The following MAML1 variants were observed in gnomAD, a reference collection of about 807,000 sequenced individuals.
MAML1 encodes the protein mastermind-like protein 1.
Under a neutral mutation model 77.1 loss-of-function variants are expected in MAML1, and 14 were observed. The ratio of observed to expected loss-of-function variants is 0.18; its 90% CI spans 0.12 to 0.28. The LOEUF (loss-of-function observed/expected upper bound fraction) is 0.28, where lower values mean the gene tolerates loss of function less well. Among genes scored for constraint, MAML1 ranks in the 10% least tolerant of loss-of-function variants. MAML1 has a pLI of 1.00. For synonymous variants in MAML1, 516 were observed against 551.9 expected, an observed-to-expected ratio of 0.93 and a Z score of 0.91; for missense variants, 1,217 against 1,327.8, an observed-to-expected ratio of 0.92 and a Z score of 1.30.
In MAML1 at chr5:179,774,100, C is replaced by T; in HGVS notation, c.2274C>T (p.Gly758=). Residue 758 remains glycine (G), a synonymous_variant, in exon 5 of 5, where the codon GGC becomes GGT. Transcript: ENST00000292599. ...SQNMPQSSLY[G]MASGITQIVA... ...ACATGCCTCAGAGCAGCCTCTATGG[C>T]ATGGCTTCTGGCATAACCCAGATAG... 1 of 1,613,874 alleles carries T rather than the reference C, an allele frequency of 6.2e-7. No homozygotes were observed. The highest frequency in any genetic ancestry group is 8.5e-7 in the Non-Finnish European group (1 of 1,180,024).
At position 179,769,832 on chromosome 5, in the gene MAML1, C is replaced by A. The variant is rs190186459; in HGVS notation, c.1971+743C>A. 9.0e-3 allele frequency among the ~76,000 whole-genome samples: 1,374 copies of A among 152,210 alleles called. 10 individuals carry two copies. The highest frequency in any genetic ancestry group is 0.015 in the Non-Finnish European group (1,000 of 67,992). On this transcript the variant is annotated intron_variant, in intron 3 of 4. Transcript: ENST00000292599. This position sits in a 1 kb window ranked among gnomAD's most constrained non-coding sequence, Gnocchi z 4.2. The stretch of plus-strand genomic sequence containing the variant: ...CCTCCCAAAGTGCTGAGATTACAGG[C>A]GTGAGCCACCACGCCTGGCCTTAAA...
chr5:179,733,536 T>TCCTG, intron 1 of MAML1, 109 bp downstream of exon 1: 1 of 864,530 alleles, frequency 1.2e-6, no homozygotes, highest in Non-Finnish European at 1.4e-6. Flanking sequence ...CGTCCGCGAC[T>TCCTG]CCTGGATCTG....
intron 1 of MAML1, among the ~76,000 whole-genome samples, chr5:179,749,908 C>T (rs936899212): frequency 6.6e-6 from 1 of 152,212 alleles, no homozygotes; most frequent in Admixed American, 6.5e-5. Flanking sequence ...CCCACCTTGG[C>T]CCTGCCTGGT....
At chr5:179,735,924 G>T (rs1581920677) in intron 1 of MAML1, among the ~76,000 whole-genome samples, 1 of 144,504 alleles carries the variant, frequency 6.9e-6, no homozygotes, top group African/African-American at 2.6e-5. Context: ...CTGACCTCGT[G>T]ATCCACCCAC....
chr5:179,757,348 G>T (rs1779640808), intron 1 of MAML1, among the ~76,000 whole-genome samples: 1 of 151,934 alleles, frequency 6.6e-6, no homozygotes, highest in Non-Finnish European at 1.5e-5. Flanking sequence ...CGGGCAGACT[G>T]CTTGAGGTCA....
chr5:179,733,250 C>G lies in MAML1; in HGVS notation c.138C>G (p.Pro46=), dbSNP rs1255650751. Residue 46 remains proline (P), a synonymous_variant, in exon 1 of 5, where the codon CCC becomes CCG. Coordinates refer to ENST00000292599, the MANE Select transcript of MAML1 (RefSeq NM_014757.5). ...AGGCCCGCTACGAGGCCGTGTCGCC[C>G]GAGCGCCTGGAGCTGGAGCGCCAAC... ...TCEARYEAVS[P]ERLELERQHT... The G allele has an allele frequency of 2.7e-6, 4 of 1,472,554 alleles. No homozygotes were observed. Among genetic ancestry groups the G allele is most frequent in the Non-Finnish European group, 3.6e-6 (4 of 1,114,650 alleles). The allele number at this position is 1,472,554 out of a possible 1,614,324, so 91.2% of individuals were successfully genotyped here.
chr5:179,733,379 C>T lies in MAML1; in HGVS notation c.267C>T (p.Ala89=). The part of the protein sequence containing the change: ...AATAPAPAAP[A]PRLDAADGPE... ...CGGCCCCGGCGCCCGCCGCCCCGGC[C>T]CCGCGCCTGGACGCCGCTGACGGCC... is the stretch of plus-strand genomic sequence containing the variant. Residue 89 remains alanine (A), a synonymous_variant, in exon 1 of 5, where the codon GCC becomes GCT. Coordinates refer to ENST00000292599, the MANE Select transcript of MAML1 (RefSeq NM_014757.5). The T allele has an allele frequency of 8.3e-7, 1 of 1,206,072 alleles. No homozygotes were observed. The highest frequency in any genetic ancestry group is 3.7e-5 in the East Asian group (1 of 26,790). 74.7% of individuals were successfully genotyped at this position (1,206,072 alleles called of 1,614,324 possible). A position where few individuals can be genotyped will look rare whatever the true frequency, so the allele number is the denominator to read the frequency against.
rs770070057 is a variant in MAML1, at chr5:179,766,354, G to A, written c.1344G>A (p.Lys448=). The change falls in exon 2 of 5, where the codon AAG becomes AAA. Residue 448 remains lysine, a synonymous_variant. Coordinates refer to ENST00000292599, the MANE Select transcript of MAML1 (RefSeq NM_014757.5). The surrounding 1 kb of genome is among the most constrained non-coding windows in gnomAD (Gnocchi z 4.0). ...TAGATGTCCCTTACCCCATGGAGAA[G>A]CCTGCCAGCCCTTCCAGCTACAAGC... ...SSLDVPYPME[K]PASPSSYKQD... 5 of 1,604,998 alleles carry A rather than the reference G, an allele frequency of 3.1e-6. No individual in the cohort carries two copies. In the African/African-American group the frequency reaches 6.7e-5, roughly 21 times the overall value.
chr5:179,764,993 ATATG>A (rs756930850), intron 1 of MAML1, among the ~76,000 whole-genome samples: 1 of 109,348 alleles, frequency 9.1e-6, no homozygotes, highest in Non-Finnish European at 2.0e-5. Flanking sequence ...TATAATATAT[ATATG>A]TGTGTGTGTG....
chr5:179,752,446 G>A (rs1328735679), intron 1 of MAML1, among the ~76,000 whole-genome samples: 1 of 145,616 alleles, frequency 6.9e-6, no homozygotes, highest in Non-Finnish European at 1.5e-5. Context: ...ATATATATTG[G>A]GTTAAATATG....
In MAML1 at chr5:179,766,622, G is replaced by T. The variant is rs1282204617; in HGVS notation, c.1612G>T (p.Ala538Ser). 6.2e-7 allele frequency: 1 copy of T among 1,613,210 alleles called. No individual in the cohort carries two copies. Among genetic ancestry groups the T allele is most frequent in the Non-Finnish European group, 8.5e-7 (1 of 1,179,426 alleles). ...CCCGGGGTCTGGCCAGAGCAAGCCA[G>T]CCCTGATGGCTTATCTTCCCCAGCA... ...GSPGSGQSKP[A>S]LMAYLPQQLS... The change falls in exon 2 of 5, where the codon GCC (alanine) becomes TCC (serine). Residue 538 changes from alanine (A) to serine (S), a missense_variant. Transcript: ENST00000292599. The surrounding 1 kb of genome is among the most constrained non-coding windows in gnomAD (Gnocchi z 4.0).
rs767606848 is a variant in MAML1 at position 179,774,557 on chromosome 5, A to C, written c.2731A>C (p.Arg911=). The change falls in exon 5 of 5, where the codon AGG becomes CGG. Residue 911 remains arginine, a synonymous_variant. Transcript: ENST00000292599. ...GCTACCCCCAGTGAGTGCACAGCAG[A>C]GGACCAGCGCCCCTGCCCCAGCACC... ...SLLPPVSAQQ[R]TSAPAPAPPP... is the part of the protein sequence containing the mutation. 2 of 1,612,808 alleles carry C rather than the reference A, an allele frequency of 1.2e-6. No homozygotes were observed. Among genetic ancestry groups the C allele is most frequent in the Admixed American group, 3.3e-5 (2 of 60,016 alleles).
Position 179,776,885 on chromosome 5 carries a change from A to T in MAML1, c.*2008A>T. 1.0e-6 allele frequency: 1 copy of T among 985,904 alleles called. No homozygotes were observed. Among genetic ancestry groups the T allele is most frequent in the South Asian group, 4.7e-5 (1 of 21,294 alleles). The allele number at this position is 985,904 out of a possible 1,614,324, so 61.1% of individuals were successfully genotyped here. ...GAACCTGGTTTTCGGGAGTCAGGGG[A>T]GGAGATGACTTTGCTTCTGTGCACA... On this transcript the variant is annotated 3_prime_UTR_variant, in exon 5 of 5. Coordinates refer to ENST00000292599, the MANE Select transcript of MAML1 (RefSeq NM_014757.5).
intron 1 of MAML1, among the ~76,000 whole-genome samples, chr5:179,764,993 ATATGTGTG>A (rs1779786806): frequency 1.8e-5 from 2 of 109,346 alleles, no homozygotes; most frequent in Non-Finnish European, 3.9e-5. Context: ...TATAATATAT[ATATGTGTG>A]TGTGTGTGTG....
Position 179,774,364 on chromosome 5 carries a change from C to A in MAML1, c.2538C>A (p.Asn846Lys), listed in dbSNP as rs1331201075. 1 of 1,613,290 alleles carries A rather than the reference C, an allele frequency of 6.2e-7. No individual in the cohort carries two copies. The highest frequency in any genetic ancestry group is 8.5e-7 in the Non-Finnish European group (1 of 1,180,044). ...CCTGGCAGCATCAGGGAATGCCGAACCTCAGTGGCCAGACCCCAGGGAACA... is the reference window on the plus strand; with the variant it reads ...CCTGGCAGCATCAGGGAATGCCGAAACTCAGTGGCCAGACCCCAGGGAACA... ...NSSWQHQGMPNLSGQTPGNSN... is the reference protein window; with the variant it reads ...NSSWQHQGMPKLSGQTPGNSN... Residue 846 changes from asparagine (N) to lysine (K), a missense_variant, in exon 5 of 5, where the codon AAC becomes AAA. Asn to Lys is a moderately conservative substitution (Grantham distance 94). Transcript: ENST00000292599.
intron 1 of MAML1, among the ~76,000 whole-genome samples, chr5:179,754,108 A>AC (rs1779565616): frequency 6.6e-6 from 1 of 151,164 alleles, no homozygotes; most frequent in Admixed American, 6.6e-5. Context: ...ATATGGTGAA[A>AC]CCCCATCTCT....
intron 1 of MAML1, among the ~76,000 whole-genome samples, chr5:179,740,243 T>C: frequency 6.6e-6 from 1 of 152,088 alleles, no homozygotes; most frequent in East Asian, 1.9e-4. Context: ...TCAAGTGCAG[T>C]AGGAAGCAGT....
rs975302544 is a variant in MAML1, at chr5:179,777,170, T to G, written c.*2293T>G. The G allele has an allele frequency of 4.1e-5, 40 of 982,838 alleles. No homozygotes were observed. Among genetic ancestry groups the G allele is most frequent in the Non-Finnish European group, 4.6e-5 (38 of 827,418 alleles). 60.9% of individuals were successfully genotyped at this position (982,838 alleles called of 1,614,324 possible). A position where few individuals can be genotyped will look rare whatever the true frequency, so the allele number is the denominator to read the frequency against. ...TATTGTCATCAAAAGTTCATAAAAG[T>G]CCTATTAATCCCCATATTCTTCTAC... is the stretch of plus-strand genomic sequence containing the variant. On this transcript the variant is annotated 3_prime_UTR_variant, in exon 5 of 5. Coordinates refer to ENST00000292599, the MANE Select transcript of MAML1 (RefSeq NM_014757.5).
chr5:179,746,269 C>T (rs1036200020), intron 1 of MAML1, among the ~76,000 whole-genome samples: 22 of 151,988 alleles, frequency 1.4e-4, no homozygotes, highest in Admixed American at 4.6e-4. Flanking sequence ...TCGCTTGAAC[C>T]TGGGAGGCAG....
Sources: gnomAD v4.1 joint callset for allele counts (sites outside exome capture counted in the v4.1 genomes callset) on GRCh38, gnomAD v4.1.1 for gene constraint, Gnocchi (gnomAD v3.1) non-coding constraint, MANE v1.5 for transcripts, NCBI Gene and HGNC (gene_info 2026-07-23, HGNC 2026-07-21) for gene names.